Variants in ZNF875 observed in about 807,000 individuals in gnomAD.
ZNF875 encodes the protein HKR1, GLI-Kruppel zinc finger family member.
ZNF875 carries 14 observed loss-of-function variants against 11.2 expected under a neutral mutation model. The observed-to-expected ratio is 1.26, with a 90% CI of 0.83 to 1.96. The LOEUF is 1.96. ZNF875 is among the 30% of genes most tolerant of loss of function. ZNF875 has a pLI of 0.00. For missense variants in ZNF875, 752 were observed against 760.4 expected, an observed-to-expected ratio of 0.99 and a Z score of 0.13; for synonymous variants, 301 against 281.1, an observed-to-expected ratio of 1.07 and a Z score of -0.71.
At chr19:37,344,992 A>G (rs1315516497) in intron 2 of ZNF875, 2 of 483,276 alleles carry the variant, frequency 4.1e-6, no homozygotes, top group Non-Finnish European at 7.6e-6. Context: ...TGTACATTGA[A>G]CACTCACATA....
chr19:37,320,616 C>G (rs2031225879), intron 1 of ZNF875, among the ~76,000 whole-genome samples: 1 of 152,160 alleles, frequency 6.6e-6, no homozygotes, highest in Non-Finnish European at 1.5e-5. Flanking sequence ...TGTCTCTGTT[C>G]CGTGATGTCT....
chr19:37,316,734 C>T (rs951972198), upstream of ZNF875, among the ~76,000 whole-genome samples: 4 of 151,868 alleles, frequency 2.6e-5, no homozygotes, highest in African/African-American at 9.7e-5. Context: ...GCGATCTCGG[C>T]TCACTGCAAC....
chr19:37,337,197 C>T (rs2034650605), intron 2 of ZNF875: 1 of 152,124 alleles, frequency 6.6e-6, no homozygotes, highest in South Asian at 2.1e-4. Context: ...GTCCTTTATA[C>T]TGAGGTTGAA....
At chr19:37,334,116 G>T (rs2033810572), upstream of ZNF875, among the ~76,000 whole-genome samples, 2 of 152,178 alleles carry the variant, frequency 1.3e-5, no homozygotes, top group South Asian at 4.1e-4. Context: ...CCGGGAGTTT[G>T]CCCCAAACCA....
chr19:37,338,312 G>A (rs1183838039), intron 2 of ZNF875, among the ~76,000 whole-genome samples: 1 of 152,058 alleles, frequency 6.6e-6, no homozygotes, highest in Non-Finnish European at 1.5e-5. Context: ...TAGTAGAGAT[G>A]GGGTTTCGCC....
chr19:37,355,779 A>T (rs1568639067), intron 4 of ZNF875, among the ~76,000 whole-genome samples: 1 of 152,096 alleles, frequency 6.6e-6, no homozygotes, highest in Non-Finnish European at 1.5e-5. Flanking sequence ...TTGACATTTC[A>T]TTTGTTTATT....
chr19:37,340,801 A>G (rs1462453177), intron 2 of ZNF875, among the ~76,000 whole-genome samples: 1 of 151,634 alleles, frequency 6.6e-6, no homozygotes, highest in East Asian at 1.9e-4. Flanking sequence ...GGTGCCGACC[A>G]CCACGCCCGG....
Position 37,363,650 on chromosome 19 carries a change from CAGTCACACCTCATT to C in ZNF875, c.1801_1814del (p.Ser601ThrfsTer21). The C allele has an allele frequency of 1.2e-6, 2 of 1,612,050 alleles. No homozygotes were observed. The highest frequency in any genetic ancestry group is 1.7e-6 in the Non-Finnish European group (2 of 1,179,158). On this transcript the variant is annotated frameshift_variant, in exon 5 of 5. Transcript: ENST00000392153. LOFTEE classifies it low-confidence loss of function (END_TRUNC). Reference sequence around the variant, plus strand: ...GGAGTGTGGGCAAGGCTTTAGCCGGCAGTCACACCTCATTAGACACCAGAGGACACATTCAGGAG... The same window carrying C: ...GGAGTGTGGGCAAGGCTTTAGCCGGCAGACACCAGAGGACACATTCAGGAG...
upstream of ZNF875, among the ~76,000 whole-genome samples, chr19:37,333,347 T>C (rs2033696633): frequency 6.6e-6 from 1 of 152,042 alleles, no homozygotes; most frequent in African/African-American, 2.4e-5. Flanking sequence ...CTGAGTTCTG[T>C]GACAAGCATT....
chr19:37,322,300 C>G (rs2031626571), intron 2 of ZNF875: 1 of 152,154 alleles, frequency 6.6e-6, no homozygotes, highest in Non-Finnish European at 1.5e-5. Flanking sequence ...TTTTTACGCT[C>G]CCATTTTGCA....
intron 4 of ZNF875, among the ~76,000 whole-genome samples, chr19:37,348,713 T>G (rs760038088): frequency 1.3e-5 from 2 of 152,230 alleles, no homozygotes; most frequent in Non-Finnish European, 2.9e-5. Flanking sequence ...CAGTGTATTC[T>G]TTTGACCCAC....
chr19:37,324,392 C>T (rs2032054976), intron 4 of ZNF875: 1 of 152,122 alleles, frequency 6.6e-6, no homozygotes, highest in Non-Finnish European at 1.5e-5. Context: ...CATCTGTAGA[C>T]CTCAGGCTCC....
At chr19:37,332,277 C>T (rs2033521938), upstream of ZNF875, among the ~76,000 whole-genome samples, 1 of 150,710 alleles carries the variant, frequency 6.6e-6, no homozygotes, top group African/African-American at 2.4e-5. Flanking sequence ...TTATTTCTTT[C>T]TCTATACTTT....
chr19:37,364,349 G>A lies in ZNF875; in HGVS notation c.*574G>A, dbSNP rs899155732. 2 of 152,998 alleles carry A rather than the reference G, an allele frequency of 1.3e-5. No homozygotes were observed. Among genetic ancestry groups the A allele is most frequent in the African/African-American group, 4.8e-5 (2 of 41,444 alleles). The allele number at this position is 152,998 out of a possible 1,614,324, so 9.5% of individuals were successfully genotyped here. On this transcript the variant is annotated 3_prime_UTR_variant, in exon 5 of 5. Coordinates refer to ENST00000392153, the MANE Select transcript of ZNF875 (RefSeq NM_001353803.2). ...CCCAGACTCAGCTGCAGTGAGGAGA[G>A]AAATCACCCTGCTGTGGGGGTTGGG...
chr19:37,362,243 C>T lies in ZNF875; in HGVS notation c.391C>T (p.Leu131=). ...SSLWAGNPLH[L]GKHYPEDQKQ... ...TTTATGGGCAGGAAATCCTCTCCAC[C>T]TGGGAAAACACTATCCAGAAGATCA... Residue 131 remains leucine (L), a synonymous_variant, in exon 5 of 5, where the codon CTG becomes TTG. Coordinates refer to ENST00000392153, the MANE Select transcript of ZNF875 (RefSeq NM_001353803.2). 6.2e-7 allele frequency: 1 copy of T among 1,614,188 alleles called. No homozygotes were observed. The highest frequency in any genetic ancestry group is 8.5e-7 in the Non-Finnish European group (1 of 1,180,030).
At chr19:37,349,118 A>G (rs1568621174) in intron 4 of ZNF875, among the ~76,000 whole-genome samples, 1 of 152,088 alleles carries the variant, frequency 6.6e-6, no homozygotes, top group Non-Finnish European at 1.5e-5. Flanking sequence ...TCATCTTCAT[A>G]TAGCATTCTC....
chr19:37,339,587 C>T lies in ZNF875; in HGVS notation c.33+4330C>T, dbSNP rs1001116986. Among the ~76,000 whole-genome samples, 23 of 133,490 alleles carry T rather than the reference C, an allele frequency of 1.7e-4. No homozygotes were observed. The East Asian group carries it at 3.6e-3, about 21-fold the overall frequency. 87.6% of individuals were successfully genotyped at this position (133,490 alleles called of 152,430 possible). A position where few individuals can be genotyped will look rare whatever the true frequency, so the allele number is the denominator to read the frequency against. ...TTTGAGACAGAGTCTCGCTCTGTCA[C>T]TCTGTCCCACTGCATCAGGCTGGGA... On this transcript the variant is annotated intron_variant, in intron 2 of 4. Transcript: ENST00000392153.
At chr19:37,356,993 A>G (rs1253955819) in intron 4 of ZNF875, among the ~76,000 whole-genome samples, 1 of 151,960 alleles carries the variant, frequency 6.6e-6, no homozygotes, top group Non-Finnish European at 1.5e-5. Context: ...TCTTGAGTTG[A>G]TTTGTGTATA....
intron 4 of ZNF875, among the ~76,000 whole-genome samples, chr19:37,356,449 T>C (rs1260989515): frequency 6.6e-6 from 1 of 152,232 alleles, no homozygotes; most frequent in South Asian, 2.1e-4. Flanking sequence ...TTTGTTTGTT[T>C]GTTTAACTTT....
Sources: allele counts gnomAD v4.1 joint callset (sites outside exome capture counted in the v4.1 genomes callset), GRCh38; gene constraint gnomAD v4.1.1; transcripts MANE v1.5; gene names NCBI Gene and HGNC (gene_info 2026-07-23, HGNC 2026-07-21).